PRIM2: variants seen among roughly 807,000 people sequenced by gnomAD.
PRIM2 encodes DNA primase subunit 2.
A neutral mutation model predicts 67.3 loss-of-function variants in PRIM2; 39 were observed. That is an observed-to-expected ratio of 0.58 (90% CI 0.45 to 0.76). The LOEUF (loss-of-function observed/expected upper bound fraction) is 0.76. PRIM2 is among the 30% of genes least tolerant of loss of function. PRIM2 has a pLI of 0.00. For missense variants in PRIM2, 398 were observed against 598.7 expected (o/e 0.66, Z 3.50); for synonymous variants, 143 against 198.7 (o/e 0.72, Z 2.36).
upstream of PRIM2, among the ~76,000 whole-genome samples, chr6:57,311,797 C>T (rs991117102): frequency 2.0e-5 from 3 of 151,994 alleles, no homozygotes; most frequent in African/African-American, 7.2e-5. Context: ...GAGGCGGAGG[C>T]GGGCAGATCA....
intron 10 of PRIM2, among the ~76,000 whole-genome samples, chr6:57,542,898 A>C (rs1775192439): frequency 6.7e-6 from 1 of 149,166 alleles, no homozygotes; most frequent in South Asian, 2.1e-4. Flanking sequence ...AAATATTCTT[A>C]AGAGGTATAA....
chr6:57,291,821 A>T, the PRIM2 span, among the ~76,000 whole-genome samples: 17 of 152,188 alleles, frequency 1.1e-4, no homozygotes, highest in African/African-American at 3.9e-4. Flanking sequence ...AACTCGCAAT[A>T]AACTAGGTAT....
At chr6:57,577,831 T>A (rs1161152856) in intron 10 of PRIM2, among the ~76,000 whole-genome samples, 1 of 152,254 alleles carries the variant, frequency 6.6e-6, no homozygotes, top group Non-Finnish European at 1.5e-5. Flanking sequence ...AATATTAGCA[T>A]CTTGCACAAA....
At chr6:57,467,127 A>AG (rs1269062111) in intron 7 of PRIM2, among the ~76,000 whole-genome samples, 6 of 148,600 alleles carry the variant, frequency 4.0e-5, no homozygotes, top group African/African-American at 1.5e-4. Context: ...AAAAGAAAAG[A>AG]AAAAAAGATC....
intron 3 of PRIM2, among the ~76,000 whole-genome samples, chr6:57,321,496 A>G (rs1755833): frequency 0.68 from 103,343 of 151,622 alleles, 35,499 homozygotes; most frequent in African/African-American, 0.76. Flanking sequence ...AAGAGATGAC[A>G]GTGGAAGTTA....
chr6:57,283,023 CT>C, the PRIM2 span, among the ~76,000 whole-genome samples: 6 of 151,896 alleles, frequency 4.0e-5, no homozygotes, highest in Non-Finnish European at 8.8e-5. Context: ...AATTGTTTTG[CT>C]TTTTTTAAAA....
chr6:57,397,436 T>G (rs1770552335), intron 7 of PRIM2, among the ~76,000 whole-genome samples: 1 of 152,146 alleles, frequency 6.6e-6, no homozygotes, highest in Non-Finnish European at 1.5e-5. Flanking sequence ...CTGGTTTTCT[T>G]TCTTCTACTT....
At chr6:57,506,946 A>C (rs1377461535) in intron 7 of PRIM2, among the ~76,000 whole-genome samples, 2 of 152,174 alleles carry the variant, frequency 1.3e-5, no homozygotes, top group Non-Finnish European at 2.9e-5. Context: ...GTATGTAACC[A>C]GTTTCACAGT....
At chr6:57,442,748 A>G (rs9475957) in intron 7 of PRIM2, among the ~76,000 whole-genome samples, 22 of 151,088 alleles carry the variant, frequency 1.5e-4, no homozygotes, top group African/African-American at 5.3e-4. Flanking sequence ...TATGAATACA[A>G]TGTGGAATAA....
chr6:57,246,973 G>A, the PRIM2 span, among the ~76,000 whole-genome samples: 6 of 151,886 alleles, frequency 4.0e-5, no homozygotes, highest in Non-Finnish European at 7.4e-5. Context: ...TCCTGCCTCA[G>A]CCTCCCGAGT....
chr6:57,614,152 T>A (rs1776713094), intron 12 of PRIM2, among the ~76,000 whole-genome samples: 1 of 152,220 alleles, frequency 6.6e-6, no homozygotes, highest in Non-Finnish European at 1.5e-5. Context: ...TCAGTGGCCA[T>A]GTTAGATTCT....
At position 57,456,909 on chromosome 6, in the gene PRIM2, C is replaced by G. The variant is rs1476337119; in HGVS notation, c.694-50478C>G. ...TTTTTCTGCTCTGTTTTTTCCCCAT[C>G]TTTGTGGTTTTATCTACCTTTGGCC... On this transcript the variant is annotated intron_variant, in intron 7 of 13. Coordinates refer to ENST00000615550, the MANE Select transcript of PRIM2 (RefSeq NM_000947.5). Among the ~76,000 whole-genome samples the G allele has an allele frequency of 2.0e-5, 3 of 152,282 alleles. No individual in the cohort carries two copies. The South Asian group carries it at 6.2e-4, about 32-fold the overall frequency.
the PRIM2 span, among the ~76,000 whole-genome samples, chr6:57,278,774 G>A: frequency 6.6e-6 from 1 of 152,180 alleles, no homozygotes; most frequent in East Asian, 1.9e-4. Flanking sequence ...AAAGAGGAGG[G>A]AAAGCGTGTC....
At chr6:57,605,682 T>C (rs1582016215) in intron 11 of PRIM2, among the ~76,000 whole-genome samples, 1 of 152,202 alleles carries the variant, frequency 6.6e-6, no homozygotes, top group African/African-American at 2.4e-5. Flanking sequence ...TCTAAAATTT[T>C]CTAGATTTTG....
chr6:57,508,746 GTAA>G (rs1370518291), intron 8 of PRIM2, among the ~76,000 whole-genome samples: 1 of 152,138 alleles, frequency 6.6e-6, no homozygotes, highest in Non-Finnish European at 1.5e-5. Flanking sequence ...CATTTTGTTG[GTAA>G]TAATAATTCA....
chr6:57,364,195 C>G (rs1769281250), intron 5 of PRIM2, among the ~76,000 whole-genome samples: 1 of 150,810 alleles, frequency 6.6e-6, no homozygotes, highest in Admixed American at 6.6e-5. Context: ...TCTGATAATT[C>G]TAAGAGTTAA....
At chr6:57,324,402 A>G (rs1767772444) in intron 4 of PRIM2, 122 bp downstream of exon 4, 2 of 537,062 alleles carry the variant, frequency 3.7e-6, no homozygotes, top group African/African-American at 1.9e-5. Flanking sequence ...GAGCCGGTTG[A>G]TCATGGGGTT....
chr6:57,593,992 A>C (rs1582010010), intron 10 of PRIM2, among the ~76,000 whole-genome samples: 1 of 152,222 alleles, frequency 6.6e-6, no homozygotes, highest in Non-Finnish European at 1.5e-5. Flanking sequence ...TTTGTGATGA[A>C]CGTAACTGAA....
chr6:57,234,057 T>A, the PRIM2 span, among the ~76,000 whole-genome samples: 1 of 152,202 alleles, frequency 6.6e-6, no homozygotes, highest in Non-Finnish European at 1.5e-5. Context: ...TACATCTATA[T>A]GTGATAAGTA....
Sources: gnomAD v4.1 joint callset for allele counts (sites outside exome capture counted in the v4.1 genomes callset) on GRCh38, gnomAD v4.1.1 for gene constraint, MANE v1.5 for transcripts, NCBI Gene and HGNC (gene_info 2026-07-23, HGNC 2026-07-21) for gene names.